CDH7: variants seen among roughly 807,000 people sequenced by gnomAD.
The protein encoded by CDH7 is cadherin 7.
CDH7 carries 25 observed loss-of-function variants against 71.8 expected under a neutral mutation model. The ratio of observed to expected loss-of-function variants is 0.35; its 90% CI spans 0.25 to 0.49. The LOEUF is 0.49. CDH7 is among the 20% of genes least tolerant of loss of function. The pLI, the probability that CDH7 is intolerant of heterozygous loss-of-function variation, is 0.99. For missense variants in CDH7, 862 were observed against 974.6 expected, an observed-to-expected ratio of 0.88 and a Z score of 1.54; for synonymous variants, 381 against 363.8, an observed-to-expected ratio of 1.05 and a Z score of -0.54.
chr18:65,888,205 T>A lies in CDH7; in HGVS notation c.*7311T>A, dbSNP rs1914421201. ...AAAACAAATATAAGAAAGAGTACTG[T>A]TTCAGAACTAACCAGCGAAGAGATG... On this transcript the variant is annotated 3_prime_UTR_variant, in exon 12 of 12. Transcript: ENST00000397968. The A allele has an allele frequency of 6.6e-6, 1 of 152,192 alleles. No homozygotes were observed. The allele number at this position is 152,192 out of a possible 1,614,324, so 9.4% of individuals were successfully genotyped here.
At chr18:65,802,680 C>T (rs897678424) in intron 2 of CDH7, among the ~76,000 whole-genome samples, 1 of 152,070 alleles carries the variant, frequency 6.6e-6, no homozygotes, top group African/African-American at 2.4e-5. Flanking sequence ...TTACACTAAG[C>T]GAGGATGAAG....
upstream of CDH7, chr18:65,750,983 G>A (rs957379090): frequency 1.3e-5 from 2 of 152,222 alleles, no homozygotes; most frequent in Non-Finnish European, 2.9e-5. Context: ...TGCCGGGCGG[G>A]CCCGAGCGGG....
chr18:65,758,598 T>C (rs1380820613), intron 1 of CDH7, among the ~76,000 whole-genome samples: 1 of 152,222 alleles, frequency 6.6e-6, no homozygotes, highest in African/African-American at 2.4e-5. Flanking sequence ...TCTGATAATA[T>C]ACACAATGCC....
intron 9 of CDH7, among the ~76,000 whole-genome samples, chr18:65,859,268 T>C (rs1314374585): frequency 6.6e-6 from 1 of 152,194 alleles, no homozygotes; most frequent in Non-Finnish European, 1.5e-5. Flanking sequence ...GTAAACATTG[T>C]AAAAGCTCTG....
chr18:65,835,118 C>T (rs544924997), intron 6 of CDH7, among the ~76,000 whole-genome samples: 1 of 152,222 alleles, frequency 6.6e-6, no homozygotes, highest in Admixed American at 6.5e-5. Flanking sequence ...CCTCTGCCTC[C>T]CATCATCCCA....
At chr18:65,775,048 A>G (rs909060751) in intron 2 of CDH7, among the ~76,000 whole-genome samples, 3 of 152,208 alleles carry the variant, frequency 2.0e-5, no homozygotes, top group African/African-American at 7.2e-5. Context: ...CCAGAAAGTA[A>G]GGATTTTAGA....
chr18:65,854,410 TAG>T (rs1555689585), intron 7 of CDH7, among the ~76,000 whole-genome samples: 2 of 152,220 alleles, frequency 1.3e-5, no homozygotes, highest in Non-Finnish European at 2.9e-5. Flanking sequence ...TCAAAACAGA[TAG>T]AGTCCTAGGT....
At chr18:65,852,746 G>A (rs538806662) in intron 7 of CDH7, among the ~76,000 whole-genome samples, 2 of 152,210 alleles carry the variant, frequency 1.3e-5, no homozygotes, top group South Asian at 2.1e-4. Context: ...TCTAATAAAA[G>A]CATGGTTCTC....
At position 65,806,205 on chromosome 18, in the gene CDH7, G is replaced by A. The variant is rs547122433; in HGVS notation, c.211-3499G>A. ...ATAATGACACAGGATTTACATAATT[G>A]CACCTCCTCCTCAGCTTATTTTTTG... On this transcript the variant is annotated intron_variant, in intron 2 of 11. Transcript: ENST00000397968. Among the ~76,000 whole-genome samples the A allele has an allele frequency of 5.3e-5, 8 of 151,734 alleles. No individual in the cohort carries two copies. In the South Asian group the frequency reaches 1.7e-3, roughly 31 times the overall value.
At chr18:65,770,861 T>C (rs1480126484) in intron 2 of CDH7, among the ~76,000 whole-genome samples, 2 of 152,194 alleles carry the variant, frequency 1.3e-5, no homozygotes, top group East Asian at 1.9e-4. Context: ...AAGATAGATA[T>C]AATTTCAGTA....
chr18:65,819,669 G>T (rs562411822), intron 4 of CDH7, among the ~76,000 whole-genome samples: 1 of 152,122 alleles, frequency 6.6e-6, no homozygotes, highest in South Asian at 2.1e-4. Context: ...CCCAGATCCT[G>T]GTTACTGTGA....
intron 2 of CDH7, among the ~76,000 whole-genome samples, chr18:65,773,602 T>C (rs1252052976): frequency 6.6e-6 from 1 of 152,108 alleles, no homozygotes. Flanking sequence ...TATTTCCTCA[T>C]TTTTTTCATT....
intron 3 of CDH7, 113 bp from the exon 4 acceptor site, chr18:65,814,372 G>T (rs1024223120): frequency 3.3e-6 from 4 of 1,218,326 alleles, no homozygotes; most frequent in Non-Finnish European, 4.8e-6. Context: ...TCTTGAAAAA[G>T]ATAAATGAAA....
intron 2 of CDH7, among the ~76,000 whole-genome samples, chr18:65,798,622 G>A (rs998276547): frequency 2.0e-5 from 3 of 152,184 alleles, no homozygotes; most frequent in Non-Finnish European, 2.9e-5. Flanking sequence ...AAAAGTTGTT[G>A]AGCAAAGCAG....
chr18:65,814,135 G>C (rs929519993), intron 3 of CDH7, among the ~76,000 whole-genome samples: 1 of 152,118 alleles, frequency 6.6e-6, no homozygotes, highest in Non-Finnish European at 1.5e-5. Flanking sequence ...TCTTATAGAA[G>C]CTGCTCTTGA....
intron 11 of CDH7, among the ~76,000 whole-genome samples, chr18:65,875,183 G>A (rs1568233109): frequency 2.0e-5 from 3 of 152,186 alleles, no homozygotes; most frequent in African/African-American, 7.2e-5. Flanking sequence ...CACCCCTGCT[G>A]TAGAGCAAAT....
At chr18:65,807,167 A>C (rs1911355286) in intron 2 of CDH7, among the ~76,000 whole-genome samples, 1 of 152,008 alleles carries the variant, frequency 6.6e-6, no homozygotes, top group Non-Finnish European at 1.5e-5. Flanking sequence ...TTGATTGTTG[A>C]ATGATTGGAG....
At chr18:65,755,102 T>C (rs1001216756) in intron 1 of CDH7, among the ~76,000 whole-genome samples, 2 of 152,200 alleles carry the variant, frequency 1.3e-5, no homozygotes, top group African/African-American at 2.4e-5. Context: ...CCAAATCTAC[T>C]TTGTTTCACT....
Position 65,882,681 on chromosome 18 carries a change from C to G in CDH7, c.*1787C>G, listed in dbSNP as rs1208904617. Reference sequence around the variant, plus strand: ...GAGTTTTGTAGACATTGTTTTATGACTATATAGATATGCTTCTTGCTGTAT... The same window carrying G: ...GAGTTTTGTAGACATTGTTTTATGAGTATATAGATATGCTTCTTGCTGTAT... On this transcript the variant is annotated 3_prime_UTR_variant, in exon 12 of 12. Transcript: ENST00000397968. 1.3e-5 allele frequency: 2 copies of G among 151,944 alleles called. No individual in the cohort carries two copies. Among genetic ancestry groups the G allele is most frequent in the Non-Finnish European group, 2.9e-5 (2 of 67,958 alleles). 9.4% of individuals were successfully genotyped at this position (151,944 alleles called of 1,614,324 possible). A position where few individuals can be genotyped will look rare whatever the true frequency, so the allele number is the denominator to read the frequency against.
Sources: gnomAD v4.1 joint callset for allele counts (sites outside exome capture counted in the v4.1 genomes callset) on GRCh38, gnomAD v4.1.1 for gene constraint, MANE v1.5 for transcripts, NCBI Gene and HGNC (gene_info 2026-07-23, HGNC 2026-07-21) for gene names.